DPP6: variants seen among roughly 807,000 people sequenced by gnomAD.
The protein encoded by DPP6 is A-type potassium channel modulatory protein DPP6.
Under a neutral mutation model 122.6 loss-of-function variants are expected in DPP6, and 69 were observed. The ratio of observed to expected loss-of-function variants is 0.56; its 90% CI spans 0.46 to 0.69. DPP6 has a LOEUF of 0.69. DPP6 is among the 30% of genes least tolerant of loss of function. DPP6 has a pLI of 0.00. For synonymous variants in DPP6, 418 were observed against 433.1 expected, an observed-to-expected ratio of 0.97 and a Z score of 0.43; for missense variants, 928 against 1,116.9, an observed-to-expected ratio of 0.83 and a Z score of 2.41.
At chr7:154,319,167 A>G (rs1254895042) in intron 1 of DPP6, among the ~76,000 whole-genome samples, 1 of 152,212 alleles carries the variant, frequency 6.6e-6, no homozygotes, top group Admixed American at 6.5e-5. Context: ...ATTTTTTTAC[A>G]ACAAAAATTA....
At chr7:154,305,271 C>T (rs1457310754) in intron 1 of DPP6, 1 of 1,301,432 alleles carries the variant, frequency 7.7e-7, no homozygotes, top group Admixed American at 3.4e-5. Flanking sequence ...CACTAAGCAG[C>T]GGCAGCTTCC....
intron 3 of DPP6, among the ~76,000 whole-genome samples, chr7:154,509,653 T>C (rs1405388365): frequency 6.6e-6 from 1 of 152,150 alleles, no homozygotes. Context: ...TGAAAACATA[T>C]AACCATATAC....
chr7:154,263,494 G>T (rs187279621), intron 1 of DPP6, among the ~76,000 whole-genome samples: 2 of 152,278 alleles, frequency 1.3e-5, no homozygotes, highest in Admixed American at 6.5e-5. Context: ...AATATTGGAT[G>T]GAAGGAAATT....
chr7:153,761,614 C>T, the DPP6 span, among the ~76,000 whole-genome samples: 2 of 151,966 alleles, frequency 1.3e-5, no homozygotes, highest in African/African-American at 4.8e-5. Context: ...AATTGTGCTA[C>T]ACAGTTACGT....
chr7:153,930,419 G>A (rs1203598447), intron 1 of DPP6, among the ~76,000 whole-genome samples: 1 of 152,018 alleles, frequency 6.6e-6, no homozygotes, highest in Non-Finnish European at 1.5e-5. Context: ...ATCCTCTGAT[G>A]TTCTCAGCAG....
intron 1 of DPP6, among the ~76,000 whole-genome samples, chr7:154,175,350 C>A (rs530829111): frequency 3.3e-5 from 5 of 152,044 alleles, no homozygotes; most frequent in African/African-American, 1.2e-4. Flanking sequence ...AAGCAACAGA[C>A]GAGGTCAAAG....
At chr7:154,561,148 A>C (rs987524185) in intron 4 of DPP6, among the ~76,000 whole-genome samples, 6 of 152,352 alleles carry the variant, frequency 3.9e-5, no homozygotes, top group Non-Finnish European at 8.8e-5. Flanking sequence ...CAAATCCATA[A>C]TTTAAGTTGT....
At chr7:154,158,912 C>A (rs1384153773) in intron 1 of DPP6, among the ~76,000 whole-genome samples, 1 of 151,918 alleles carries the variant, frequency 6.6e-6, no homozygotes, top group African/African-American at 2.4e-5. Context: ...AAGGGTGTCT[C>A]GCTCTTCCAT....
the DPP6 span, among the ~76,000 whole-genome samples, chr7:153,817,839 C>T: frequency 2.6e-4 from 39 of 151,370 alleles, no homozygotes; most frequent in South Asian, 6.5e-3. Context: ...ATGGGTGCAG[C>T]ACACCAACAT....
intron 21 of DPP6, among the ~76,000 whole-genome samples, chr7:154,882,576 A>C (rs755937789): frequency 1.4e-4 from 21 of 152,094 alleles, no homozygotes; most frequent in Middle Eastern, 3.2e-3. Flanking sequence ...GACCTGGGAC[A>C]CAGAGCCCAG....
intron 11 of DPP6, 113 bp from the exon 12 acceptor site, chr7:154,795,732 G>A: frequency 2.1e-6 from 3 of 1,461,760 alleles, no homozygotes; most frequent in Non-Finnish European, 1.8e-6. Context: ...CAGCGGCCAT[G>A]TAGGTGAAGC....
chr7:154,548,442 C>T (rs1321565748), intron 4 of DPP6, among the ~76,000 whole-genome samples: 1 of 150,414 alleles, frequency 6.6e-6, no homozygotes. Flanking sequence ...GCAGACGAAT[C>T]GCTTGAACCC....
At chr7:154,466,029 A>C (rs575144039) in intron 2 of DPP6, among the ~76,000 whole-genome samples, 1 of 151,146 alleles carries the variant, frequency 6.6e-6, no homozygotes, top group African/African-American at 2.5e-5. Flanking sequence ...TGCAGTCATA[A>C]AAAAAATGAG....
chr7:154,764,294 C>A (rs1795763470), intron 8 of DPP6, among the ~76,000 whole-genome samples: 1 of 152,180 alleles, frequency 6.6e-6, no homozygotes, highest in African/African-American at 2.4e-5. Context: ...CTCAAGAATT[C>A]ACCTTATTCT....
chr7:153,964,999 T>TCTTCCTTCCTTC (rs1209264469), intron 1 of DPP6, among the ~76,000 whole-genome samples: 4 of 62,458 alleles, frequency 6.4e-5, no homozygotes, highest in African/African-American at 3.0e-4. Context: ...TTCCTTCCTT[T>TCTTCCTTCCTTC]CTTCCTTCCT....
intron 5 of DPP6, among the ~76,000 whole-genome samples, chr7:154,616,390 G>T (rs1834257984): frequency 6.6e-6 from 1 of 152,134 alleles, no homozygotes; most frequent in Non-Finnish European, 1.5e-5. Context: ...GCTCACAATT[G>T]TCCATGAAAT....
At chr7:154,604,899 C>T (rs1304800081) in intron 5 of DPP6, among the ~76,000 whole-genome samples, 1 of 120,380 alleles carries the variant, frequency 8.3e-6, no homozygotes, top group Non-Finnish European at 1.9e-5. Context: ...ACACTGGCTA[C>T]TCTTTTCCAT....
At chr7:154,501,981 G>A (rs1393552719) in intron 3 of DPP6, among the ~76,000 whole-genome samples, 1 of 152,156 alleles carries the variant, frequency 6.6e-6, no homozygotes, top group Non-Finnish European at 1.5e-5. Context: ...CCCACCTCTT[G>A]CATCAACATG....
intron 1 of DPP6, among the ~76,000 whole-genome samples, chr7:154,045,832 G>T (rs989770373): frequency 7.9e-5 from 12 of 152,198 alleles, no homozygotes; most frequent in Non-Finnish European, 1.8e-4. Context: ...CTGCATGAAA[G>T]CAAGTTCACT....
Sources: gnomAD v4.1 joint callset for allele counts (sites outside exome capture counted in the v4.1 genomes callset) on GRCh38, gnomAD v4.1.1 for gene constraint, MANE v1.5 for transcripts, NCBI Gene and HGNC (gene_info 2026-07-23, HGNC 2026-07-21) for gene names.